Variants in RPS6KC1 observed in about 807,000 individuals in gnomAD.
The protein encoded by RPS6KC1 is ribosomal protein S6 kinase C1.
RPS6KC1 carries 54 observed loss-of-function variants against 103.8 expected under a neutral mutation model. The observed-to-expected ratio is 0.52, with a 90% CI of 0.42 to 0.65. The LOEUF (loss-of-function observed/expected upper bound fraction) is 0.65. RPS6KC1 is among the 30% of genes least tolerant of loss of function. RPS6KC1 has a pLI of 0.00. For missense variants in RPS6KC1, 1,151 were observed against 1,253.8 expected (o/e 0.92, Z 1.24); for synonymous variants, 439 against 438.7 (o/e 1.00, Z -0.01).
the RPS6KC1 span, among the ~76,000 whole-genome samples, chr1:213,735,426 C>T: frequency 6.6e-6 from 1 of 152,220 alleles, no homozygotes; most frequent in Non-Finnish European, 1.5e-5. Context: ...TATTAGACTT[C>T]TGCACCACCC....
chr1:213,437,804 TTAGA>T, the RPS6KC1 span, among the ~76,000 whole-genome samples: 1 of 151,986 alleles, frequency 6.6e-6, no homozygotes, highest in Non-Finnish European at 1.5e-5. Context: ...ACTTGAATGC[TTAGA>T]TAATTAATTT....
At chr1:213,499,378 G>C in the RPS6KC1 span, among the ~76,000 whole-genome samples, 2 of 152,100 alleles carry the variant, frequency 1.3e-5, no homozygotes, top group African/African-American at 4.8e-5. Flanking sequence ...TTGGCACCAG[G>C]GACCGTTTTC....
intron 3 of RPS6KC1, among the ~76,000 whole-genome samples, chr1:213,086,195 G>C (rs1356841766): frequency 2.0e-5 from 3 of 152,212 alleles, no homozygotes; most frequent in African/African-American, 7.2e-5. Context: ...GTAGGAAGTA[G>C]GGTTTTGGTG....
the RPS6KC1 span, among the ~76,000 whole-genome samples, chr1:213,860,867 G>C: frequency 0.011 from 1,609 of 151,654 alleles, 42 homozygotes; most frequent in East Asian, 0.088. Flanking sequence ...GGAGTGCAGT[G>C]GTTCGATCTT....
At chr1:213,655,091 G>C in the RPS6KC1 span, among the ~76,000 whole-genome samples, 1 of 152,168 alleles carries the variant, frequency 6.6e-6, no homozygotes, top group African/African-American at 2.4e-5. Context: ...CACCCAGGCT[G>C]GAATGCAGTT....
chr1:213,495,673 CT>C, the RPS6KC1 span, among the ~76,000 whole-genome samples: 2 of 152,144 alleles, frequency 1.3e-5, no homozygotes, highest in African/African-American at 4.8e-5. Flanking sequence ...AGTTAAGTAA[CT>C]TACCTAAGGT....
the RPS6KC1 span, among the ~76,000 whole-genome samples, chr1:213,667,036 A>G: frequency 6.6e-6 from 1 of 152,190 alleles, no homozygotes; most frequent in Non-Finnish European, 1.5e-5. Flanking sequence ...ACCTGGTTTC[A>G]TCAGTGAGGT....
At chr1:213,813,773 C>G in the RPS6KC1 span, among the ~76,000 whole-genome samples, 1 of 152,112 alleles carries the variant, frequency 6.6e-6, no homozygotes, top group Non-Finnish European at 1.5e-5. Flanking sequence ...CTAATCTCTA[C>G]GAGAGGAGCA....
At chr1:213,084,227 A>G (rs1286035088) in intron 3 of RPS6KC1, among the ~76,000 whole-genome samples, 1 of 151,332 alleles carries the variant, frequency 6.6e-6, no homozygotes, top group Non-Finnish European at 1.5e-5. Flanking sequence ...TATGCACGTA[A>G]TTTTACATTA....
the RPS6KC1 span, among the ~76,000 whole-genome samples, chr1:213,716,669 T>A: frequency 6.6e-6 from 1 of 152,334 alleles, no homozygotes; most frequent in Non-Finnish European, 1.5e-5. Flanking sequence ...TGATTCTTAG[T>A]ACATTCTATA....
chr1:213,696,137 C>T, the RPS6KC1 span, among the ~76,000 whole-genome samples: 13 of 152,214 alleles, frequency 8.5e-5, no homozygotes, highest in Non-Finnish European at 1.9e-4. Context: ...TAGTTGTTGA[C>T]TGTCACTTTA....
chr1:213,553,104 C>T, the RPS6KC1 span, among the ~76,000 whole-genome samples: 1 of 151,852 alleles, frequency 6.6e-6, no homozygotes, highest in Non-Finnish European at 1.5e-5. Context: ...ATAATTTTGT[C>T]ACCCAGGTAA....
the RPS6KC1 span, among the ~76,000 whole-genome samples, chr1:213,287,175 G>A: frequency 2.0e-3 from 310 of 152,240 alleles, no homozygotes; most frequent in Middle Eastern, 0.01. Context: ...GTGCATTGGG[G>A]GAAGGAAGAT....
chr1:213,854,540 CTTTCTTTCTTTCTTTCTTTCTT>C, the RPS6KC1 span, among the ~76,000 whole-genome samples: 1,011 of 105,900 alleles, frequency 9.5e-3, 15 homozygotes, highest in African/African-American at 0.039. Flanking sequence ...TTCTTTCTTT[CTTTCTTTCTTTCTTTCTTTCTT>C]TCTCTCTCTC....
At chr1:213,415,180 A>G in the RPS6KC1 span, among the ~76,000 whole-genome samples, 1 of 152,236 alleles carries the variant, frequency 6.6e-6, no homozygotes, top group African/African-American at 2.4e-5. Context: ...TGTTTCATCC[A>G]GGGGCCAAAC....
the RPS6KC1 span, among the ~76,000 whole-genome samples, chr1:213,343,434 T>TACAC: frequency 1.4e-5 from 1 of 71,034 alleles, no homozygotes; most frequent in African/African-American, 4.5e-5. Flanking sequence ...TATATATATA[T>TACAC]ATATATACAT....
the RPS6KC1 span, among the ~76,000 whole-genome samples, chr1:213,671,877 A>G: frequency 1.3e-5 from 2 of 152,190 alleles, no homozygotes. Context: ...ATTATTTCAC[A>G]GTGTATATAA....
At chr1:213,214,929 A>G (rs1336974453) in intron 8 of RPS6KC1, among the ~76,000 whole-genome samples, 1 of 152,168 alleles carries the variant, frequency 6.6e-6, no homozygotes, top group Non-Finnish European at 1.5e-5. Context: ...GATGGGGAAA[A>G]AACAGAACAT....
the RPS6KC1 span, among the ~76,000 whole-genome samples, chr1:213,371,729 C>G: frequency 2.6e-5 from 4 of 152,092 alleles, no homozygotes; most frequent in Non-Finnish European, 5.9e-5. Flanking sequence ...AATAAGAAAC[C>G]CTGCCACTTC....
Sources: gnomAD v4.1 joint callset for allele counts (sites outside exome capture counted in the v4.1 genomes callset) on GRCh38, gnomAD v4.1.1 for gene constraint, MANE v1.5 for transcripts, NCBI Gene and HGNC (gene_info 2026-07-23, HGNC 2026-07-21) for gene names.